ACSL3: variants seen among roughly 807,000 people sequenced by gnomAD.
ACSL3 encodes the protein acyl-CoA synthetase long chain family member 3.
ACSL3 carries 34 observed loss-of-function variants against 84.7 expected under a neutral mutation model. The ratio of observed to expected loss-of-function variants is 0.40; its 90% CI spans 0.31 to 0.53. The LOEUF (loss-of-function observed/expected upper bound fraction) is 0.53. Among genes scored for constraint, ACSL3 ranks in the 20% least tolerant of loss-of-function variants. The pLI, the probability that ACSL3 is intolerant of heterozygous loss-of-function variation, is 0.48. For missense variants in ACSL3, 680 were observed against 873.1 expected (o/e 0.78, Z 2.79); for synonymous variants, 315 against 299.4 (o/e 1.05, Z -0.54).
At chr2:222,941,352 T>G in intron 16 of ACSL3, 145 bp from the exon 17 acceptor site, 1 of 617,634 alleles carries the variant, frequency 1.6e-6, no homozygotes, top group Non-Finnish European at 2.7e-6. Flanking sequence ...TGTTTGTATT[T>G]TGAGGAATAG....
chr2:222,931,329 G>A (rs2106138855), intron 14 of ACSL3, among the ~76,000 whole-genome samples: 1 of 151,650 alleles, frequency 6.6e-6, no homozygotes, highest in African/African-American at 2.4e-5. Flanking sequence ...CAGGAGAATG[G>A]CATGAACCCG....
rs555814652 is a variant in ACSL3, at chr2:222,871,538, G to GTGGC, written c.-207+10281_-207+10284dup. Among the ~76,000 whole-genome samples, 6 of 152,352 alleles carry GTGGC rather than the reference G, an allele frequency of 3.9e-5. No homozygotes were observed. The East Asian group carries it at 1.2e-3, about 29-fold the overall frequency. The stretch of plus-strand genomic sequence containing the variant: ...AGCTAAGGCTGGGTCTCACAAACAT[G>GTGGC]TGGCATTGGTCCTGGCTGTATAACT... On this transcript the variant is annotated intron_variant, in intron 1 of 16. Coordinates refer to ENST00000357430, the MANE Select transcript of ACSL3 (RefSeq NM_004457.5).
chr2:222,886,224 C>T (rs2106098512), intron 1 of ACSL3, among the ~76,000 whole-genome samples: 1 of 152,060 alleles, frequency 6.6e-6, no homozygotes, highest in East Asian at 1.9e-4. Flanking sequence ...GTTCTCCCTC[C>T]CCTTACCCCA....
At chr2:222,910,226 G>T (rs1263547807) in intron 4 of ACSL3, among the ~76,000 whole-genome samples, 1 of 152,238 alleles carries the variant, frequency 6.6e-6, no homozygotes, top group African/African-American at 2.4e-5. Context: ...TAGAAATGGC[G>T]TGAGAATGCC....
chr2:222,896,437 T>A (rs1284132856), intron 2 of ACSL3, among the ~76,000 whole-genome samples: 1 of 4,144 alleles, frequency 2.4e-4, no homozygotes, highest in African/African-American at 6.5e-4. Flanking sequence ...TGACTCCCCC[T>A]CCCCCCTCCC....
chr2:222,866,834 C>CT (rs1695160489), intron 1 of ACSL3, among the ~76,000 whole-genome samples: 1 of 113,492 alleles, frequency 8.8e-6, no homozygotes, highest in South Asian at 3.1e-4. Flanking sequence ...TCTTTTTTTT[C>CT]TTTTTCTTTT....
At chr2:222,906,642 A>G (rs1696300938) in intron 3 of ACSL3, among the ~76,000 whole-genome samples, 1 of 147,728 alleles carries the variant, frequency 6.8e-6, no homozygotes, top group Non-Finnish European at 1.5e-5. Context: ...TTTAGATGGA[A>G]TCTTGCTCTG....
chr2:222,887,725 T>C (rs970640743), intron 1 of ACSL3, 105 bp from the exon 2 acceptor site: 1 of 152,310 alleles, frequency 6.6e-6, no homozygotes, highest in Non-Finnish European at 1.5e-5. Flanking sequence ...AAACTTTTCA[T>C]GTGAGGTTTA....
chr2:222,872,250 G>A (rs908821895), intron 1 of ACSL3, among the ~76,000 whole-genome samples: 17 of 151,924 alleles, frequency 1.1e-4, no homozygotes, highest in African/African-American at 3.6e-4. Context: ...TCAGCCTCTC[G>A]AGTAGCTGGG....
chr2:222,868,733 G>C (rs994436267), intron 1 of ACSL3, among the ~76,000 whole-genome samples: 10 of 152,186 alleles, frequency 6.6e-5, no homozygotes, highest in African/African-American at 2.4e-4. Flanking sequence ...GATCACCTGA[G>C]GTCAGGAGTT....
intron 1 of ACSL3, among the ~76,000 whole-genome samples, chr2:222,882,668 G>C (rs1480232464): frequency 6.6e-6 from 1 of 151,934 alleles, no homozygotes; most frequent in East Asian, 1.9e-4. Context: ...TTGCCTACCT[G>C]CTGTCAGGTC....
chr2:222,894,828 C>T (rs1695932146), intron 2 of ACSL3, among the ~76,000 whole-genome samples: 1 of 152,096 alleles, frequency 6.6e-6, no homozygotes, highest in Admixed American at 6.6e-5. Flanking sequence ...GCATAATAGT[C>T]TGTTCAATGG....
In ACSL3 at chr2:222,871,397, C is replaced by T. The variant is rs182658785; in HGVS notation, c.-207+10139C>T. 3.9e-5 allele frequency among the ~76,000 whole-genome samples: 6 copies of T among 152,024 alleles called. No homozygotes were observed. In the East Asian group the frequency reaches 5.8e-4, roughly 15 times the overall value. ...AGGCGATGGTGAGATCAGGGAGTGG[C>T]GGAAAGTGAACAAAGTTCTGGGCTT... On this transcript the variant is annotated intron_variant, in intron 1 of 16. Coordinates refer to ENST00000357430, the MANE Select transcript of ACSL3 (RefSeq NM_004457.5).
At chr2:222,873,905 A>C (rs990982102) in intron 1 of ACSL3, among the ~76,000 whole-genome samples, 1 of 152,274 alleles carries the variant, frequency 6.6e-6, no homozygotes, top group Non-Finnish European at 1.5e-5. Context: ...AAGGTATGAA[A>C]AATTTAAAGG....
intron 1 of ACSL3, among the ~76,000 whole-genome samples, chr2:222,884,916 G>A (rs1251592536): frequency 6.6e-6 from 1 of 152,122 alleles, no homozygotes; most frequent in African/African-American, 2.4e-5. Context: ...CCTTGACCTT[G>A]TCTTCTCCAC....
At chr2:222,890,634 ATTTG>A (rs770460800) in intron 2 of ACSL3, among the ~76,000 whole-genome samples, 14 of 151,104 alleles carry the variant, frequency 9.3e-5, no homozygotes, top group African/African-American at 2.7e-4. Flanking sequence ...AGGTGGGTAG[ATTTG>A]TTTGTTTGTT....
intron 11 of ACSL3, among the ~76,000 whole-genome samples, chr2:222,925,540 C>T (rs974525353): frequency 2.6e-5 from 4 of 151,934 alleles, no homozygotes; most frequent in African/African-American, 9.7e-5. Context: ...TTATTTGGGC[C>T]TGGGAGCAAT....
At chr2:222,939,535 C>T (rs948942240) in intron 16 of ACSL3, among the ~76,000 whole-genome samples, 9 of 152,122 alleles carry the variant, frequency 5.9e-5, no homozygotes, top group African/African-American at 2.2e-4. Flanking sequence ...GTGCCCTGTT[C>T]CTGTTATTTA....
chr2:222,918,935 G>A, intron 6 of ACSL3, 129 bp from the exon 7 acceptor site: 1 of 1,049,442 alleles, frequency 9.5e-7, no homozygotes, highest in Non-Finnish European at 1.4e-6. Flanking sequence ...TTATGCCAGT[G>A]TACCCTTTCT....
Sources: allele counts gnomAD v4.1 joint callset (sites outside exome capture counted in the v4.1 genomes callset), GRCh38; gene constraint gnomAD v4.1.1; transcripts MANE v1.5; gene names NCBI Gene and HGNC (gene_info 2026-07-23, HGNC 2026-07-21).